Variants in ZNF565 observed in about 807,000 individuals in gnomAD.
ZNF565 encodes zinc finger protein 565.
ZNF565 carries 27 observed loss-of-function variants against 39.4 expected under a neutral mutation model. That is an observed-to-expected ratio of 0.69 (90% CI 0.51 to 0.95). ZNF565 has a LOEUF of 0.95. Ranked by LOEUF, ZNF565 falls within the 40% of genes least tolerant of loss-of-function variation. The pLI, the probability that ZNF565 is intolerant of heterozygous loss-of-function variation, is 0.00. For missense variants in ZNF565, 524 were observed against 621.1 expected, an observed-to-expected ratio of 0.84 and a Z score of 1.66; for synonymous variants, 185 against 216.6, an observed-to-expected ratio of 0.85 and a Z score of 1.28.
At chr19:36,244,220 G>C (rs1007250227) in intron 1 of ZNF565, among the ~76,000 whole-genome samples, 2 of 152,286 alleles carry the variant, frequency 1.3e-5, no homozygotes, top group Non-Finnish European at 2.9e-5. Flanking sequence ...GCTAGGTCTG[G>C]TCTTGTGAAA....
At chr19:36,184,897 C>T (rs984458015) in intron 4 of ZNF565, among the ~76,000 whole-genome samples, 2 of 151,994 alleles carry the variant, frequency 1.3e-5, no homozygotes, top group African/African-American at 4.8e-5. Flanking sequence ...GCAAATGGAT[C>T]GCTTGAGGTC....
Position 36,183,081 on chromosome 19 carries a change from A to G in ZNF565, c.885T>C (p.Thr295=), listed in dbSNP as rs1381065061. The G allele has an allele frequency of 8.1e-6, 13 of 1,614,176 alleles. No individual in the cohort carries two copies. The East Asian group carries it at 2.0e-4, about 25-fold the overall frequency. ...CCCCTGTGTGGATTCTCCGATGCAC[A>G]GTGAGTTGGGAGCCACGAATGAAAG... ...GKAFIRGSQL[T]VHRRIHTGAR... Residue 295 remains threonine (T), a synonymous_variant, in exon 5 of 5, where the codon ACT becomes ACC. Transcript: ENST00000304116.
rs533535178 is a variant in ZNF565 at position 36,183,354 on chromosome 19, G to A, written c.612C>T (p.Phe204=). The A allele has an allele frequency of 1.2e-6, 2 of 1,613,740 alleles. No individual in the cohort carries two copies. The highest frequency in any genetic ancestry group is 2.2e-5 in the East Asian group (1 of 44,862). ...PFGCKECGKA[F]SRASHLVQHQ... is the part of the protein sequence containing the mutation. ...GCTGAACAAGGTGTGAGGCACGGCT[G>A]AAGGCCTTCCCACATTCCTTACATC... The change falls in exon 5 of 5, where the codon TTC becomes TTT. Residue 204 remains phenylalanine, a synonymous_variant. Coordinates refer to ENST00000304116, the MANE Select transcript of ZNF565 (RefSeq NM_152477.5).
chr19:36,183,050 G>A lies in ZNF565; in HGVS notation c.916C>T (p.Pro306Ser). The A allele has an allele frequency of 1.2e-6, 2 of 1,614,198 alleles. No individual in the cohort carries two copies. Among genetic ancestry groups the A allele is most frequent in the Non-Finnish European group, 1.7e-6 (2 of 1,180,038 alleles). The part of the protein sequence containing the change: ...VHRRIHTGAR[P>S]YECKECGKAF... ...TTCCCGCATTCTTTACACTCATAGGGTCTGGCCCCTGTGTGGATTCTCCGA... is the reference window on the plus strand; with the variant it reads ...TTCCCGCATTCTTTACACTCATAGGATCTGGCCCCTGTGTGGATTCTCCGA... Residue 306 changes from proline to serine, a missense_variant, in exon 5 of 5, where the codon CCC (proline) becomes TCC (serine). By Grantham distance (74) the Pro-to-Ser change is moderately conservative. Transcript: ENST00000304116.
chr19:36,244,718 GCAT>G (rs1255385741), intron 1 of ZNF565, among the ~76,000 whole-genome samples: 1 of 151,978 alleles, frequency 6.6e-6, no homozygotes, highest in Admixed American at 6.6e-5. Context: ...GGGTGTGGTG[GCAT>G]GCGCCTGTAA....
intron 1 of ZNF565, chr19:36,235,909 AGTTGGG>A: frequency 6.6e-6 from 1 of 152,556 alleles, no homozygotes; most frequent in Non-Finnish European, 1.5e-5. Context: ...CAAGGGACTT[AGTTGGG>A]AGCTTCTCTA....
rs1976513847 is a variant in ZNF565, at chr19:36,214,613, A to AC, written c.-66+8dup. On this transcript the variant is annotated intron_variant, in intron 1 of 4. Transcript: ENST00000304116. ...CCCCGGCCCCGCCCAGGACTCCCAGACCCCTCACCTTCTGCCTCCCCTGGT... is the reference window on the plus strand; with the variant it reads ...CCCCGGCCCCGCCCAGGACTCCCAGACCCCCTCACCTTCTGCCTCCCCTGGT... 1.3e-5 allele frequency: 2 copies of AC among 152,550 alleles called. No individual in the cohort carries two copies. Among genetic ancestry groups the AC allele is most frequent in the African/African-American group, 2.4e-5 (1 of 41,370 alleles). The allele number at this position is 152,550 out of a possible 1,614,324, so 9.4% of individuals were successfully genotyped here.
Position 36,241,943 on chromosome 19 carries a change from C to T in ZNF565, c.55+3533G>A, listed in dbSNP as rs56229648. 9.4e-3 allele frequency among the ~76,000 whole-genome samples: 1,424 copies of T among 152,212 alleles called. 12 individuals are homozygous for T. The highest frequency in any genetic ancestry group is 0.017 in the Non-Finnish European group (1,167 of 68,018). ...ACATAGGAACATAGGAGTAAATCTT[C>T]ATGACCTTAGATTTGGCAACGATTT... is the stretch of plus-strand genomic sequence containing the variant. On this transcript the variant is annotated intron_variant, in intron 1 of 4. Coordinates refer to the ZNF565 transcript ENST00000355114.
intron 1 of ZNF565, among the ~76,000 whole-genome samples, chr19:36,209,977 T>C (rs1976291917): frequency 1.3e-5 from 2 of 151,802 alleles, no homozygotes. Context: ...AAAAGGGAAA[T>C]GGAGGCAAGA....
intron 4 of ZNF565, among the ~76,000 whole-genome samples, chr19:36,191,397 C>G (rs1463064661): frequency 4.0e-5 from 6 of 149,864 alleles, no homozygotes; most frequent in Non-Finnish European, 7.4e-5. Flanking sequence ...CGGCTCTCAG[C>G]TACCTCTGCC....
Position 36,245,416 on chromosome 19 carries a change from C to A in ZNF565, c.55+60G>T, listed in dbSNP as rs921665454. Reference sequence around the variant, plus strand: ...GACCCGGAAAGCTCCGCGCTTACGACGCCCACCCAGAAAATCCGGATCACA... The same window carrying A: ...GACCCGGAAAGCTCCGCGCTTACGAAGCCCACCCAGAAAATCCGGATCACA... On this transcript the variant is annotated intron_variant, in intron 1 of 4. Transcript: ENST00000355114. This position sits in a 1 kb window ranked among gnomAD's most constrained non-coding sequence, Gnocchi z 4.4. The A allele has an allele frequency of 2.9e-6, 2 of 701,336 alleles. No individual in the cohort carries two copies. Among genetic ancestry groups the A allele is most frequent in the Non-Finnish European group, 5.2e-6 (2 of 384,312 alleles). The allele number at this position is 701,336 out of a possible 1,614,324, so 43.4% of individuals were successfully genotyped here.
chr19:36,206,415 C>A (rs1188593537), intron 1 of ZNF565, among the ~76,000 whole-genome samples: 2 of 151,710 alleles, frequency 1.3e-5, no homozygotes, highest in Non-Finnish European at 2.9e-5. Flanking sequence ...TCAAGACCAG[C>A]CTGGGCAGCA....
chr19:36,198,409 A>G (rs2145334566), intron 2 of ZNF565, among the ~76,000 whole-genome samples: 1 of 152,300 alleles, frequency 6.6e-6, no homozygotes, highest in African/African-American at 2.4e-5. Context: ...GTTCTCACTT[A>G]TTTGTGGATC....
rs1350407471 is a variant in ZNF565 at position 36,195,037 on chromosome 19, G to A, written c.129C>T (p.Ala43=). The A allele has an allele frequency of 6.2e-7, 1 of 1,614,132 alleles. No homozygotes were observed. The highest frequency in any genetic ancestry group is 2.2e-5 in the East Asian group (1 of 44,880). ...EVTLENFGHL[A]SLGLSISKPD... is the part of the protein sequence containing the mutation. ...GTGATACAATCTCCTTACCTAGTGA[G>A]GCCAAGTGACCAAAGTTCTCCAGAG... Residue 43 remains alanine (A), a synonymous_variant, in exon 3 of 5, where the codon GCC becomes GCT. Transcript: ENST00000304116.
At chr19:36,231,837 C>T (rs924907769) in intron 1 of ZNF565, among the ~76,000 whole-genome samples, 4 of 151,630 alleles carry the variant, frequency 2.6e-5, no homozygotes, top group Admixed American at 6.6e-5. Context: ...GTAGGCGAGG[C>T]GGCAGATCTC....
At chr19:36,217,055 CTTT>C (rs752632008), upstream of ZNF565, among the ~76,000 whole-genome samples, 711 of 65,796 alleles carry the variant, frequency 0.011, 4 homozygotes, top group Non-Finnish European at 0.014. Flanking sequence ...CAGTCCCTGT[CTTT>C]TTTTTTTTTT....
chr19:36,226,187 G>A (rs1977058762), intron 1 of ZNF565, among the ~76,000 whole-genome samples: 1 of 152,098 alleles, frequency 6.6e-6, no homozygotes, highest in South Asian at 2.1e-4. Context: ...CTGCCTAATC[G>A]ATCTCTCTGC....
chr19:36,222,927 C>A lies in ZNF565; in HGVS notation c.56-20877G>T, dbSNP rs183473329. 1.4e-3 allele frequency among the ~76,000 whole-genome samples: 205 copies of A among 151,090 alleles called. 1 individual carries two copies. Among genetic ancestry groups the A allele is most frequent in the African/African-American group, 4.5e-3 (187 of 41,244 alleles). Reference sequence around the variant, plus strand: ...TTTACATAGCCGTGCTTAGAATGAGCCCCCTGTGGTTGGTGAGCACAGAGA... The same window carrying A: ...TTTACATAGCCGTGCTTAGAATGAGACCCCTGTGGTTGGTGAGCACAGAGA... On this transcript the variant is annotated intron_variant, in intron 1 of 4. Coordinates refer to the ZNF565 transcript ENST00000355114.
intron 1 of ZNF565, among the ~76,000 whole-genome samples, chr19:36,212,245 A>G (rs529686716): frequency 6.6e-6 from 1 of 152,242 alleles, no homozygotes; most frequent in South Asian, 2.1e-4. Flanking sequence ...TACAAAACAA[A>G]TGGCCAACAT....
Sources: gnomAD v4.1 joint callset for allele counts (sites outside exome capture counted in the v4.1 genomes callset) on GRCh38, gnomAD v4.1.1 for gene constraint, Gnocchi (gnomAD v3.1) non-coding constraint, MANE v1.5 for transcripts, NCBI Gene and HGNC (gene_info 2026-07-23, HGNC 2026-07-21) for gene names.